NAE1: variants seen among roughly 807,000 people sequenced by gnomAD.
NAE1 encodes NEDD8 activating enzyme E1 subunit 1.
A neutral mutation model predicts 88.0 loss-of-function variants in NAE1; 59 were observed. That is an observed-to-expected ratio of 0.67 (90% CI 0.54 to 0.83). The LOEUF is 0.83. Ranked by LOEUF, NAE1 falls within the 40% of genes least tolerant of loss-of-function variation. NAE1 has a pLI of 0.00. For missense variants in NAE1, 554 were observed against 632.8 expected, an observed-to-expected ratio of 0.88 and a Z score of 1.34; for synonymous variants, 186 against 208.9, an observed-to-expected ratio of 0.89 and a Z score of 0.95.
At chr16:66,814,185 T>C (rs1299336205) in intron 11 of NAE1, among the ~76,000 whole-genome samples, 1 of 152,168 alleles carries the variant, frequency 6.6e-6, no homozygotes, top group Non-Finnish European at 1.5e-5. Context: ...ATTTTCCATC[T>C]TGTCAAAAAT....
intron 17 of NAE1, among the ~76,000 whole-genome samples, chr16:66,807,884 T>C (rs1037787495): frequency 2.0e-5 from 3 of 152,136 alleles, no homozygotes; most frequent in Non-Finnish European, 4.4e-5. Context: ...TTCAGAGTTA[T>C]TGAGTTCAGA....
chr16:66,825,875 T>C (rs1458759025), intron 3 of NAE1, among the ~76,000 whole-genome samples: 1 of 152,158 alleles, frequency 6.6e-6, no homozygotes, highest in Non-Finnish European at 1.5e-5. Flanking sequence ...ATAACAAGAC[T>C]TCTTGGTATA....
chr16:66,824,018 T>C (rs1350233141), intron 4 of NAE1, among the ~76,000 whole-genome samples: 1 of 152,184 alleles, frequency 6.6e-6, no homozygotes, highest in African/African-American at 2.4e-5. Flanking sequence ...ATTACAGGCG[T>C]GAGCCACTGC....
At chr16:66,817,093 A>AT in intron 9 of NAE1, 65 bp from the exon 10 acceptor site, 1 of 1,526,832 alleles carries the variant, frequency 6.5e-7, no homozygotes, top group South Asian at 1.3e-5. Context: ...TTGAAAGTCT[A>AT]AAGTGTCCCC....
intron 9 of NAE1, 28 bp from the exon 10 acceptor site, chr16:66,817,056 T>C (rs770080642): frequency 6.5e-5 from 103 of 1,574,728 alleles, no homozygotes; most frequent in Admixed American, 1.6e-4. Context: ...TTTAAAAATC[T>C]AGTTATTAAA....
At chr16:66,819,354 C>T (rs1178649375) in intron 7 of NAE1, among the ~76,000 whole-genome samples, 1 of 152,150 alleles carries the variant, frequency 6.6e-6, no homozygotes, top group Non-Finnish European at 1.5e-5. Flanking sequence ...TCAGTAACTC[C>T]CCACTTCCTA....
chr16:66,805,749 G>A, intron 19 of NAE1, 28 bp downstream of exon 19: 1 of 1,433,258 alleles, frequency 7.0e-7, no homozygotes, highest in Non-Finnish European at 9.2e-7. Context: ...TGTAACAACA[G>A]GTGAGTCTTC....
chr16:66,816,865 C>G (rs894847295), intron 10 of NAE1, 100 bp downstream of exon 10: 2 of 1,512,750 alleles, frequency 1.3e-6, no homozygotes, highest in Non-Finnish European at 1.8e-6. Flanking sequence ...GCTCATGATG[C>G]TATCATCTGA....
chr16:66,813,221 C>T, intron 13 of NAE1: 1 of 192,268 alleles, frequency 5.2e-6, no homozygotes, highest in Non-Finnish European at 1.1e-5. Flanking sequence ...TGGCTCACTG[C>T]AGCCTCAAAC....
In NAE1 at chr16:66,816,803, C is replaced by T. The variant is rs1960060212; in HGVS notation, c.749-131G>A. 2.3e-5 allele frequency: 30 copies of T among 1,300,444 alleles called. No homozygotes were observed. The South Asian group carries it at 4.4e-4, about 19-fold the overall frequency. The allele number at this position is 1,300,444 out of a possible 1,614,324, so 80.6% of individuals were successfully genotyped here. A position where few individuals can be genotyped will look rare whatever the true frequency, so the allele number is the denominator to read the frequency against. ...GAAGAAATACGGCTTATCATTAGTC[C>T]TTAAAACTATACAAGGCGTGGCTTC... On this transcript the variant is annotated intron_variant, in intron 10 of 19. Coordinates refer to ENST00000290810, the MANE Select transcript of NAE1 (RefSeq NM_003905.4).
intron 11 of NAE1, among the ~76,000 whole-genome samples, chr16:66,816,318 C>A (rs946538653): frequency 6.6e-6 from 1 of 152,096 alleles, no homozygotes; most frequent in East Asian, 1.9e-4. Flanking sequence ...GGTATGTTCA[C>A]CATGCCCAGC....
chr16:66,811,962 C>T (rs1959820039), intron 13 of NAE1, among the ~76,000 whole-genome samples: 1 of 152,124 alleles, frequency 6.6e-6, no homozygotes, highest in Admixed American at 6.6e-5. Context: ...GCCAGCAGAC[C>T]TGGATTCTTT....
intron 7 of NAE1, among the ~76,000 whole-genome samples, chr16:66,821,162 C>T (rs926957810): frequency 6.6e-6 from 1 of 152,180 alleles, no homozygotes; most frequent in Non-Finnish European, 1.5e-5. Context: ...GCCATACATG[C>T]CCAATGTGGG....
intron 8 of NAE1, among the ~76,000 whole-genome samples, chr16:66,818,062 G>T (rs796403851): frequency 6.6e-6 from 1 of 152,048 alleles, no homozygotes; most frequent in Admixed American, 6.6e-5. Context: ...GGAGAATGGG[G>T]TATCTGTATA....
chr16:66,815,326 G>C (rs1237474597), intron 11 of NAE1, among the ~76,000 whole-genome samples: 1 of 152,094 alleles, frequency 6.6e-6, no homozygotes, highest in Non-Finnish European at 1.5e-5. Context: ...AACAGAAAAT[G>C]TTCATCACCC....
chr16:66,809,117 G>A (rs2060629198), intron 15 of NAE1, 42 bp from the exon 16 acceptor site: 1 of 1,447,644 alleles, frequency 6.9e-7, no homozygotes, highest in Non-Finnish European at 9.7e-7. Context: ...GACTGTGACT[G>A]GTGAATATTA....
chr16:66,808,629 A>G lies in NAE1; in HGVS notation c.1238-16T>C. 6.4e-7 allele frequency: 1 copy of G among 1,555,340 alleles called. No individual in the cohort carries two copies. The highest frequency in any genetic ancestry group is 8.8e-7 in the Non-Finnish European group (1 of 1,131,954). The stretch of plus-strand genomic sequence containing the variant: ...ATGCTAGAAACTGAAAGGAAAAAAA[A>G]TTTCAGTTTAATTTGGTTAATTTGC... On this transcript the variant is annotated splice_polypyrimidine_tract_variant and intron_variant, in intron 16 of 19. Coordinates refer to ENST00000290810, the MANE Select transcript of NAE1 (RefSeq NM_003905.4).
intron 4 of NAE1, 141 bp from the exon 5 acceptor site, chr16:66,823,741 T>G (rs1960357197): frequency 2.9e-6 from 2 of 684,430 alleles, no homozygotes; most frequent in African/African-American, 3.7e-5. Context: ...CCCTTCTTTT[T>G]TCTTTTTAGA....
chr16:66,823,252 C>T lies in NAE1; in HGVS notation c.376G>A (p.Val126Ile). 6.2e-7 allele frequency: 1 copy of T among 1,601,896 alleles called. No individual in the cohort carries two copies. Among genetic ancestry groups the T allele is most frequent in the Non-Finnish European group, 8.5e-7 (1 of 1,175,340 alleles). ...DPSFFCRFTV[V>I]VATQLPESTS... ...CTTTCAGGAAGCTGAGTTGCAACTA[C>T]AACAGTAAACCTACAGAAAAATGAG... The change falls in exon 6 of 20, where the codon GTA becomes ATA. Residue 126 changes from valine (V) to isoleucine (I), a missense_variant. Transcript: ENST00000290810.
Sources: allele counts gnomAD v4.1 joint callset (sites outside exome capture counted in the v4.1 genomes callset), GRCh38; gene constraint gnomAD v4.1.1; transcripts MANE v1.5; gene names NCBI Gene and HGNC (gene_info 2026-07-23, HGNC 2026-07-21).